REELD1: variants seen among roughly 807,000 people sequenced by gnomAD.
The protein encoded by REELD1 is reeler domain containing 1, also known as reelin domain-containing protein 1.
REELD1 carries 12 observed loss-of-function variants against 6.3 expected under a neutral mutation model. The observed-to-expected ratio is 1.89, with a 90% CI of 1.21 to 3.07. REELD1 has a LOEUF of 3.07. Ranked by LOEUF, REELD1 falls within the 30% of genes most tolerant of loss-of-function variation. REELD1 has a pLI of 0.00. For missense variants in REELD1, 163 were observed against 86.8 expected (o/e 1.88, Z -3.49); for synonymous variants, 57 against 33.6 (o/e 1.70, Z -2.42).
At chr4:146,220,998 A>T (rs1286371187) in intron 3 of REELD1, among the ~76,000 whole-genome samples, 1 of 152,232 alleles carries the variant, frequency 6.6e-6, no homozygotes, top group Non-Finnish European at 1.5e-5. Context: ...AAATTCCTAG[A>T]TGCAAAATTT....
At chr4:146,227,674 C>T (rs1477537166) in intron 5 of REELD1, among the ~76,000 whole-genome samples, 1 of 152,178 alleles carries the variant, frequency 6.6e-6, no homozygotes, top group African/African-American at 2.4e-5. Flanking sequence ...ATGTGAAGCT[C>T]TTTCTCATGC....
rs189758260 is a variant in REELD1 at position 146,222,569 on chromosome 4, A to G, written c.421A>G (p.Ile141Val). The G allele has an allele frequency of 4.1e-4, 163 of 398,660 alleles. No homozygotes were observed. Among genetic ancestry groups the G allele is most frequent in the Non-Finnish European group, 6.6e-4 (149 of 226,082 alleles). The allele number at this position is 398,660 out of a possible 1,614,324, so 24.7% of individuals were successfully genotyped here. Residue 141 changes from isoleucine (I) to valine (V), a missense_variant, in exon 4 of 8, where the codon ATT becomes GTT. Transcript: ENST00000623665. The stretch of plus-strand genomic sequence containing the variant: ...GGCCCCAGCCCAGCCTGTGGGGGAC[A>G]TTAAGTTCCTGTAAGAGAGTGAAGT... ...WKAPAQPVGD[I>V]KFLLSVVQSY...
At position 146,230,039 on chromosome 4, in the gene REELD1, C is replaced by G. The variant is rs1403345154; in HGVS notation, c.1107C>G (p.Val369=). 7.5e-6 allele frequency: 3 copies of G among 398,752 alleles called. No homozygotes were observed. The highest frequency in any genetic ancestry group is 1.3e-5 in the Non-Finnish European group (3 of 226,146). The allele number at this position is 398,752 out of a possible 1,614,324, so 24.7% of individuals were successfully genotyped here. A position where few individuals can be genotyped will look rare whatever the true frequency, so the allele number is the denominator to read the frequency against. ...NGVRASNPIP[V]LQTSGTSGLP... Reference sequence around the variant, plus strand: ...TCAGGGCAAGCAACCCAATCCCTGTCCTCCAGACCTCTGGCACTTCTGGGC... The same window carrying G: ...TCAGGGCAAGCAACCCAATCCCTGTGCTCCAGACCTCTGGCACTTCTGGGC... Residue 369 remains valine, a synonymous_variant, in exon 8 of 8, where the codon GTC becomes GTG. Coordinates refer to ENST00000623665, the MANE Select transcript of REELD1 (RefSeq NM_001354631.1).
At chr4:146,229,867 C>A (rs1731094591) in intron 7 of REELD1, 38 bp from the exon 8 acceptor site, 1 of 398,602 alleles carries the variant, frequency 2.5e-6, no homozygotes. Flanking sequence ...AGGAGGAAGA[C>A]CAGTACCTTT....
rs1339068838 is a variant in REELD1, at chr4:146,229,091, A to G, written c.972+3A>G. On this transcript the variant is annotated splice_donor_region_variant and intron_variant, in intron 7 of 7. Coordinates refer to ENST00000623665, the MANE Select transcript of REELD1 (RefSeq NM_001354631.1). ...TGTCCTCAGATGGGGGTGAACAGGT[A>G]AGAACCTGAACTGTGAAGTGGGCTT... 1.4e-6 allele frequency: 1 copy of G among 701,972 alleles called. No homozygotes were observed. Among genetic ancestry groups the G allele is most frequent in the African/African-American group, 1.7e-5 (1 of 57,256 alleles). The allele number at this position is 701,972 out of a possible 1,614,324, so 43.5% of individuals were successfully genotyped here. A position where few individuals can be genotyped will look rare whatever the true frequency, so the allele number is the denominator to read the frequency against.
At chr4:146,215,432 T>G (rs1055374543) in intron 2 of REELD1, among the ~76,000 whole-genome samples, 1 of 152,244 alleles carries the variant, frequency 6.6e-6, no homozygotes, top group Non-Finnish European at 1.5e-5. Flanking sequence ...TCTGAAGGAC[T>G]CTTATGTCTA....
chr4:146,221,068 A>G lies in REELD1; in HGVS notation c.209-1289A>G, dbSNP rs181798963. ...TCTTTTATTGTGTTTATAAACATAT[A>G]TCATAAACTTTACCATTATAGCTGT... On this transcript the variant is annotated intron_variant, in intron 3 of 7. Coordinates refer to ENST00000623665, the MANE Select transcript of REELD1 (RefSeq NM_001354631.1). 6.0e-4 allele frequency among the ~76,000 whole-genome samples: 91 copies of G among 152,358 alleles called. 1 individual carries two copies. Among genetic ancestry groups the G allele is most frequent in the Non-Finnish European group, 1.0e-3 (70 of 68,034 alleles).
At chr4:146,226,052 A>G (rs1731016067) in intron 5 of REELD1, among the ~76,000 whole-genome samples, 1 of 152,216 alleles carries the variant, frequency 6.6e-6, no homozygotes, top group Non-Finnish European at 1.5e-5. Context: ...TACAGTTAAG[A>G]AATCTATTTC....
rs1288153787 is a variant in REELD1 at position 146,230,685 on chromosome 4, A to T, written c.*172A>T. ...GACACTTTCATCAACAGAGGGAGTT[A>T]TTCCTGAGCTTTGTTGTCTTAACAT... On this transcript the variant is annotated 3_prime_UTR_variant, in exon 8 of 8. Transcript: ENST00000623665. The T allele has an allele frequency of 7.6e-6, 3 of 393,304 alleles. No individual in the cohort carries two copies. The highest frequency in any genetic ancestry group is 1.3e-5 in the Non-Finnish European group (3 of 223,236). The allele number at this position is 393,304 out of a possible 1,614,324, so 24.4% of individuals were successfully genotyped here. A position where few individuals can be genotyped will look rare whatever the true frequency, so the allele number is the denominator to read the frequency against.
Position 146,230,125 on chromosome 4 carries a change from C to A in REELD1, c.1193C>A (p.Ser398Ter). The change falls in exon 8 of 8, where the codon TCA becomes TAA. Residue 398 changes from serine to a stop codon, truncating the protein, a stop_gained. Transcript: ENST00000623665. LOFTEE classifies it low-confidence loss of function (END_TRUNC). ...GCCTCTGCCAGCTTCTTACCTCAGT[C>A]AAAGCACAAGGAGCTCAGAGCAGGG... ...SRASASFLPQ[S>*]KHKELRAGKG... 2.5e-6 allele frequency: 1 copy of A among 398,816 alleles called. No homozygotes were observed. Among genetic ancestry groups the A allele is most frequent in the South Asian group, 1.3e-4 (1 of 7,846 alleles). The allele number at this position is 398,816 out of a possible 1,614,324, so 24.7% of individuals were successfully genotyped here. A position where few individuals can be genotyped will look rare whatever the true frequency, so the allele number is the denominator to read the frequency against.
At position 146,228,490 on chromosome 4, in the gene REELD1, G is replaced by C; in HGVS notation, c.876G>C (p.Glu292Asp). The change falls in exon 6 of 8, where the codon GAG (glutamate) becomes GAC (aspartate). Residue 292 changes from glutamate (E) to aspartate (D), a missense_variant. Coordinates refer to ENST00000623665, the MANE Select transcript of REELD1 (RefSeq NM_001354631.1). ...RLVALKRVSS[E>D]SFASSLSTHH... ...TGGCCCTCAAGAGAGTCTCCTCAGA[G>C]AGCTTTGCTTCCAGCCTTAGCACCC... is the stretch of plus-strand genomic sequence containing the variant. The C allele has an allele frequency of 2.8e-6, 2 of 702,472 alleles. No individual in the cohort carries two copies. The highest frequency in any genetic ancestry group is 5.2e-6 in the Non-Finnish European group (2 of 384,976). The allele number at this position is 702,472 out of a possible 1,614,324, so 43.5% of individuals were successfully genotyped here. A position where few individuals can be genotyped will look rare whatever the true frequency, so the allele number is the denominator to read the frequency against.
At chr4:146,218,280 C>G (rs1328456688) in intron 3 of REELD1, among the ~76,000 whole-genome samples, 1 of 152,196 alleles carries the variant, frequency 6.6e-6, no homozygotes, top group Non-Finnish European at 1.5e-5. Context: ...GCCCCGCCCC[C>G]ACTCCCCAAA....
Position 146,230,612 on chromosome 4 carries a change from C to T in REELD1, c.*99C>T, listed in dbSNP as rs1336492102. The T allele has an allele frequency of 2.5e-6, 1 of 397,358 alleles. No individual in the cohort carries two copies. Among genetic ancestry groups the T allele is most frequent in the Non-Finnish European group, 4.4e-6 (1 of 225,906 alleles). The allele number at this position is 397,358 out of a possible 1,614,324, so 24.6% of individuals were successfully genotyped here. A position where few individuals can be genotyped will look rare whatever the true frequency, so the allele number is the denominator to read the frequency against. On this transcript the variant is annotated 3_prime_UTR_variant, in exon 8 of 8. Coordinates refer to ENST00000623665, the MANE Select transcript of REELD1 (RefSeq NM_001354631.1). ...TGAGAATAACTGATGAAGACAGGGA[C>T]TCATTGTGCCTCTGTCAATGTGCAG...
Position 146,222,546 on chromosome 4 carries a change from C to T in REELD1, c.398C>T (p.Ala133Val). 2.5e-6 allele frequency: 1 copy of T among 398,640 alleles called. No homozygotes were observed. The allele number at this position is 398,640 out of a possible 1,614,324, so 24.7% of individuals were successfully genotyped here. The change falls in exon 4 of 8, where the codon GCC becomes GTC. Residue 133 changes from alanine (A) to valine (V), a missense_variant. By Grantham distance (64) the Ala-to-Val change is moderately conservative (BLOSUM62 0). Coordinates refer to ENST00000623665, the MANE Select transcript of REELD1 (RefSeq NM_001354631.1). ...LKRNLSFVWK[A>V]PAQPVGDIKF... ...AGAAACCTGTCATTCGTGTGGAAGG[C>T]CCCAGCCCAGCCTGTGGGGGACATT...
At chr4:146,228,666 G>C in intron 6 of REELD1, 144 bp downstream of exon 6, 1 of 591,974 alleles carries the variant, frequency 1.7e-6, no homozygotes, top group Non-Finnish European at 3.0e-6. Context: ...AGGGCTACTT[G>C]TCAGAAGGAC....
rs749770307 is a variant in REELD1 at position 146,230,563 on chromosome 4, G to C, written c.*50G>C. On this transcript the variant is annotated 3_prime_UTR_variant, in exon 8 of 8. Coordinates refer to ENST00000623665, the MANE Select transcript of REELD1 (RefSeq NM_001354631.1). ...AGTGGCCCTCCTTGGGCCCTGGAGAGTGTCCCAGACAGAGCAGAGATAATG... is the reference window on the plus strand; with the variant it reads ...AGTGGCCCTCCTTGGGCCCTGGAGACTGTCCCAGACAGAGCAGAGATAATG... 5.0e-6 allele frequency: 2 copies of C among 398,182 alleles called. No homozygotes were observed. Among genetic ancestry groups the C allele is most frequent in the Non-Finnish European group, 4.4e-6 (1 of 226,072 alleles). The allele number at this position is 398,182 out of a possible 1,614,324, so 24.7% of individuals were successfully genotyped here.
Position 146,229,891 on chromosome 4 carries a change from C to G in REELD1, c.973-14C>G, listed in dbSNP as rs912886070. The G allele has an allele frequency of 2.5e-6, 1 of 398,564 alleles. No homozygotes were observed. The highest frequency in any genetic ancestry group is 2.1e-5 in the African/African-American group (1 of 48,736). 24.7% of individuals were successfully genotyped at this position (398,564 alleles called of 1,614,324 possible). ...ACCAGTACCTTTGACTCTTTTTTCC[C>G]TTTGTTTTTCTAGGACAAGACGAAG... is the stretch of plus-strand genomic sequence containing the variant. On this transcript the variant is annotated splice_polypyrimidine_tract_variant and intron_variant, in intron 7 of 7. Transcript: ENST00000623665.
At chr4:146,226,842 C>G (rs1389148152) in intron 5 of REELD1, among the ~76,000 whole-genome samples, 1 of 152,228 alleles carries the variant, frequency 6.6e-6, no homozygotes, top group Admixed American at 6.5e-5. Context: ...GCAGTCTCAG[C>G]TCACTACAAC....
Position 146,231,873 on chromosome 4 carries a change from C to T in REELD1, c.*1360C>T, listed in dbSNP as rs141878393. ...GTCATCAATTCCAAGACTCTCTCCT[C>T]CTGGATTCTGGGCTAGGTAGCTCTG... On this transcript the variant is annotated 3_prime_UTR_variant, in exon 8 of 8. Transcript: ENST00000623665. 1 of 152,352 alleles carries T rather than the reference C, an allele frequency of 6.6e-6. No homozygotes were observed. The highest frequency in any genetic ancestry group is 1.9e-4 in the East Asian group (1 of 5,180). The allele number at this position is 152,352 out of a possible 1,614,324, so 9.4% of individuals were successfully genotyped here. A position where few individuals can be genotyped will look rare whatever the true frequency, so the allele number is the denominator to read the frequency against.
Sources: gnomAD v4.1 joint callset for allele counts (sites outside exome capture counted in the v4.1 genomes callset) on GRCh38, gnomAD v4.1.1 for gene constraint, MANE v1.5 for transcripts, NCBI Gene and HGNC (gene_info 2026-07-23, HGNC 2026-07-21) for gene names.